PPP2R3B: variants seen among roughly 807,000 people sequenced by gnomAD.
PPP2R3B encodes the protein serine/threonine-protein phosphatase 2A regulatory subunit B'' subunit beta.
Under a neutral mutation model 72.9 loss-of-function variants are expected in PPP2R3B, and 68 were observed. The ratio of observed to expected loss-of-function variants is 0.93; its 90% CI spans 0.77 to 1.14. The LOEUF is 1.14. PPP2R3B is among the 50% of genes most tolerant of loss of function. The probability of loss-of-function intolerance (pLI) is 0.00; values close to 1 mark genes in which losing one functional copy is unlikely to be tolerated. For missense variants in PPP2R3B, 1,018 were observed against 842.0 expected (o/e 1.21, Z -2.59); for synonymous variants, 466 against 375.8 (o/e 1.24, Z -2.78).
In PPP2R3B at chrX:347,290, G is replaced by C; in HGVS notation, c.661C>G (p.Leu221Val). Residue 221 changes from leucine (L) to valine (V), a missense_variant, in exon 4 of 13, where the codon CTC (leucine) becomes GTC (valine). Physicochemically the swap from Leu to Val is conservative, Grantham distance 32 (BLOSUM62 1). Transcript: ENST00000390665. ...AGGTAGTTGCAGCCGGGGCTCATGA[G>C]CAGATGGACGAACTTGGCCGCGTCG... Reference protein sequence around the residue: ...HDDAAKFVHLLMSPGCNYLVQ... With the variant: ...HDDAAKFVHLVMSPGCNYLVQ... 1 of 1,613,856 alleles carries C rather than the reference G, an allele frequency of 6.2e-7. No individual in the cohort carries two copies. The highest frequency in any genetic ancestry group is 8.5e-7 in the Non-Finnish European group (1 of 1,179,798).
intron 1 of PPP2R3B, among the ~76,000 whole-genome samples, chrX:382,695 A>T (rs756931362): frequency 6.6e-6 from 1 of 152,252 alleles, no homozygotes; most frequent in African/African-American, 2.4e-5. Flanking sequence ...ATCCTCTCAC[A>T]TGCACCCAAA....
In PPP2R3B at chrX:383,796, C is replaced by T. The variant is rs185735389; in HGVS notation, c.324+2572G>A. On this transcript the variant is annotated intron_variant, in intron 1 of 12. Coordinates refer to ENST00000390665, the MANE Select transcript of PPP2R3B (RefSeq NM_013239.5). The stretch of plus-strand genomic sequence containing the variant: ...GAGCTTGCAGTGAGCCGAGATCGCG[C>T]CACTGCACTCCAGCCTGGGGGACAG... Among the ~76,000 whole-genome samples, 908 of 138,282 alleles carry T rather than the reference C, an allele frequency of 6.6e-3. 14 individuals carry two copies. Among genetic ancestry groups the T allele is most frequent in the African/African-American group, 0.021 (776 of 37,276 alleles). The allele number at this position is 138,282 out of a possible 152,430, so 90.7% of individuals were successfully genotyped here.
intron 2 of PPP2R3B, chrX:359,885 A>C: frequency 2.0e-6 from 1 of 505,008 alleles, no homozygotes; most frequent in South Asian, 1.5e-5. Context: ...ACCTGGACTT[A>C]CCTGAATGTG....
chrX:340,861 C>T lies in PPP2R3B; in HGVS notation c.1255G>A (p.Glu419Lys), dbSNP rs773947189. ...ATGCTGTCCAGCCTTCGGCACTGCT[C>T]CTCGTAGAAGTACTCGAGCTCGAAC... ...SMFELEYFYEEQCRRLDSMAI... is the reference protein window; with the variant it reads ...SMFELEYFYEKQCRRLDSMAI... Residue 419 changes from glutamate to lysine, a missense_variant, in exon 10 of 13, where the codon GAG (glutamate) becomes AAG (lysine). Glu to Lys is a moderately conservative substitution (Grantham distance 56). Transcript: ENST00000390665. The T allele has an allele frequency of 6.2e-7, 1 of 1,612,050 alleles. No homozygotes were observed. Among genetic ancestry groups the T allele is most frequent in the Non-Finnish European group, 8.5e-7 (1 of 1,179,696 alleles).
chrX:373,805 C>T (rs1165661532), intron 1 of PPP2R3B: 3 of 151,280 alleles, frequency 2.0e-5, no homozygotes, highest in Admixed American at 1.3e-4. Flanking sequence ...GGCCGGGGCC[C>T]GCGCCGCGCG....
chrX:362,535 CAG>C (rs1187751757), intron 1 of PPP2R3B, among the ~76,000 whole-genome samples: 12 of 151,434 alleles, frequency 7.9e-5, no homozygotes, highest in Non-Finnish European at 1.3e-4. Context: ...ATCAACTACT[CAG>C]GGGACAGGGC....
At chrX:380,006 G>A (rs2072088674) in intron 1 of PPP2R3B, among the ~76,000 whole-genome samples, 1 of 152,084 alleles carries the variant, frequency 6.6e-6, no homozygotes, top group Non-Finnish European at 1.5e-5. Context: ...ATTCCACGGG[G>A]GGAGAAAAGA....
chrX:341,950 G>A lies in PPP2R3B; in HGVS notation c.1037-19C>T, dbSNP rs1363692434. 2.5e-6 allele frequency: 4 copies of A among 1,612,572 alleles called. No individual in the cohort carries two copies. The highest frequency in any genetic ancestry group is 2.2e-5 in the South Asian group (2 of 91,080). ...GAAAGGGCTGGAAAGGAATGCGGTT[G>A]ATGGGCAGCCCGCACCGTGCCTCGG... On this transcript the variant is annotated intron_variant, in intron 7 of 12. Coordinates refer to ENST00000390665, the MANE Select transcript of PPP2R3B (RefSeq NM_013239.5).
chrX:374,568 T>C (rs1390106504), intron 1 of PPP2R3B, among the ~76,000 whole-genome samples: 1 of 152,070 alleles, frequency 6.6e-6, no homozygotes, highest in Non-Finnish European at 1.5e-5. Context: ...TGAGCTGACA[T>C]TCCGGGGGCC....
chrX:340,289 G>A (rs1031185375), intron 10 of PPP2R3B, among the ~76,000 whole-genome samples: 10 of 148,386 alleles, frequency 6.7e-5, no homozygotes, highest in East Asian at 4.1e-4. Flanking sequence ...CAACGTCCCC[G>A]GTGAGCTCCG....
intron 1 of PPP2R3B, among the ~76,000 whole-genome samples, chrX:370,314 A>G (rs992039699): frequency 5.9e-5 from 9 of 152,138 alleles, no homozygotes; most frequent in Non-Finnish European, 1.2e-4. Flanking sequence ...CAGACACATG[A>G]CTGCAGCCGA....
intron 12 of PPP2R3B, chrX:337,451 G>A (rs1260730793): frequency 1.3e-5 from 2 of 152,260 alleles, no homozygotes; most frequent in African/African-American, 4.8e-5. Flanking sequence ...GCGCGGGACA[G>A]AAGCAGAACT....
intron 1 of PPP2R3B, among the ~76,000 whole-genome samples, chrX:371,109 C>G (rs1006816847): frequency 1.8e-4 from 27 of 152,104 alleles, no homozygotes; most frequent in African/African-American, 6.3e-4. Context: ...TGCTGTTGCC[C>G]GGGGACAGAA....
intron 2 of PPP2R3B, 187 bp from the exon 3 acceptor site, chrX:347,880 T>G (rs986098294): frequency 7.0e-5 from 40 of 570,344 alleles, no homozygotes; most frequent in African/African-American, 6.8e-4. Context: ...CAATCAGTCA[T>G]GAGAGCTGAG....
chrX:353,493 C>A (rs1452831776), intron 2 of PPP2R3B, among the ~76,000 whole-genome samples: 1 of 152,086 alleles, frequency 6.6e-6, no homozygotes, highest in African/African-American at 2.4e-5. Flanking sequence ...TGAGTTCTAC[C>A]AAACATTCAA....
At chrX:334,857 A>G (rs1603020869) in intron 12 of PPP2R3B, 5 of 276,606 alleles carry the variant, frequency 1.8e-5, no homozygotes, top group East Asian at 1.3e-4. Context: ...GTGTCCACAC[A>G]GGACTGGAGA....
chrX:373,828 T>A (rs1365716832), intron 1 of PPP2R3B: 3 of 151,768 alleles, frequency 2.0e-5, no homozygotes, highest in Non-Finnish European at 4.4e-5. Flanking sequence ...TTCCTCAGGC[T>A]GAGGAGGGCG....
Position 338,635 on chromosome X carries a change from C to G in PPP2R3B, c.1546G>C (p.Glu516Gln), listed in dbSNP as rs764997273. The G allele has an allele frequency of 6.2e-7, 1 of 1,611,012 alleles. No homozygotes were observed. Among genetic ancestry groups the G allele is most frequent in the African/African-American group, 1.3e-5 (1 of 74,986 alleles). The stretch of plus-strand genomic sequence containing the variant: ...TCCCAGGGCTCTCCCGCAGTCTCCT[C>G]GGCCACCAGGATGTCGTACTCCTCG... The part of the protein sequence containing the change: ...AAEEYDILVA[E>Q]ETAGEPWEDG... Residue 516 changes from glutamate (E) to glutamine (Q), a missense_variant, in exon 12 of 13, where the codon GAG (glutamate) becomes CAG (glutamine). Transcript: ENST00000390665.
rs1295894352 is a variant in PPP2R3B, at chrX:363,366, A to T, written c.325-1776T>A. ...CACCATCCCGCAGTGCATCTCTCCG[A>T]GCCCACCATCCCACAGTGCATCTCC... On this transcript the variant is annotated intron_variant, in intron 1 of 12. Transcript: ENST00000390665. 2.3e-3 allele frequency among the ~76,000 whole-genome samples: 17 copies of T among 7,330 alleles called. 1 individual carries two copies. Among genetic ancestry groups the T allele is most frequent in the East Asian group, 4.9e-3 (1 of 204 alleles). The allele number at this position is 7,330 out of a possible 152,430, so 4.8% of individuals were successfully genotyped here. A position where few individuals can be genotyped will look rare whatever the true frequency, so the allele number is the denominator to read the frequency against.
Sources: allele counts gnomAD v4.1 joint callset (sites outside exome capture counted in the v4.1 genomes callset), GRCh38; gene constraint gnomAD v4.1.1; transcripts MANE v1.5; gene names NCBI Gene and HGNC (gene_info 2026-07-23, HGNC 2026-07-21).